The following FSCN1 variants were observed in gnomAD, a reference collection of about 807,000 sequenced individuals.
FSCN1 encodes fascin actin-bundling protein 1, also known as fascin.
A neutral mutation model predicts 39.7 loss-of-function variants in FSCN1; 10 were observed. The observed-to-expected ratio is 0.25, with a 90% CI of 0.16 to 0.43. FSCN1 has a LOEUF of 0.43. Ranked by LOEUF, FSCN1 falls within the 20% of genes least tolerant of loss-of-function variation. The probability of loss-of-function intolerance (pLI) is 1.00; values close to 1 mark genes in which losing one functional copy is unlikely to be tolerated. For synonymous variants in FSCN1, 322 were observed against 320.0 expected, an observed-to-expected ratio of 1.01 and a Z score of -0.07; for missense variants, 525 against 723.8, an observed-to-expected ratio of 0.73 and a Z score of 3.15.
chr7:5,592,898 C>T lies in FSCN1; in HGVS notation c.-39C>T, dbSNP rs761468756. On this transcript the variant is annotated 5_prime_UTR_variant, in exon 1 of 5. Coordinates refer to ENST00000382361, the MANE Select transcript of FSCN1 (RefSeq NM_003088.4). The surrounding 1 kb of genome is among the most constrained non-coding windows in gnomAD (Gnocchi z 5.3). ...GCCGCCGCAGGGACCCGCCACCCAC[C>T]TCCCGGGGCCGCGCAGCGGCCTCTC... 1.1e-5 allele frequency: 15 copies of T among 1,334,064 alleles called. No individual in the cohort carries two copies. Among genetic ancestry groups the T allele is most frequent in the East Asian group, 2.6e-5 (1 of 38,034 alleles). 82.6% of individuals were successfully genotyped at this position (1,334,064 alleles called of 1,614,324 possible).
At chr7:5,594,028 G>A (rs1399797465) in intron 1 of FSCN1, 3 of 498,226 alleles carry the variant, frequency 6.0e-6, no homozygotes, top group African/African-American at 4.3e-5. Flanking sequence ...AGTCGCAACC[G>A]TACGTGCACC....
At position 5,605,653 on chromosome 7, in the gene FSCN1, C is replaced by T. The variant is rs1368504323; in HGVS notation, c.*179C>T. ...GCCCCTATGGACTCCCCACTCTCCCCTCCGCCCGGGTTCCCTACTCCCCTC... is the reference window on the plus strand; with the variant it reads ...GCCCCTATGGACTCCCCACTCTCCCTTCCGCCCGGGTTCCCTACTCCCCTC... On this transcript the variant is annotated 3_prime_UTR_variant, in exon 5 of 5. Coordinates refer to ENST00000382361, the MANE Select transcript of FSCN1 (RefSeq NM_003088.4). This position sits in a 1 kb window ranked among gnomAD's most constrained non-coding sequence, Gnocchi z 6.9. The T allele has an allele frequency of 2.4e-5, 14 of 592,136 alleles. No individual in the cohort carries two copies. The highest frequency in any genetic ancestry group is 1.5e-4 in the Admixed American group (5 of 32,664). The allele number at this position is 592,136 out of a possible 1,614,324, so 36.7% of individuals were successfully genotyped here. A position where few individuals can be genotyped will look rare whatever the true frequency, so the allele number is the denominator to read the frequency against.
chr7:5,599,327 G>A lies in FSCN1; in HGVS notation c.833-3930G>A, dbSNP rs1057259071. ...AGGAACCCATAGACAAGAGGGTGGGGCAGGGAAAGGGCGTGGCAAGAGGGC... is the reference window on the plus strand; with the variant it reads ...AGGAACCCATAGACAAGAGGGTGGGACAGGGAAAGGGCGTGGCAAGAGGGC... On this transcript the variant is annotated intron_variant, in intron 1 of 4. Transcript: ENST00000382361. The surrounding 1 kb of genome is among the most constrained non-coding windows in gnomAD (Gnocchi z 5.6). Among the ~76,000 whole-genome samples, 1 of 152,180 alleles carries A rather than the reference G, an allele frequency of 6.6e-6. No homozygotes were observed. Among genetic ancestry groups the A allele is most frequent in the African/African-American group, 2.4e-5 (1 of 41,448 alleles).
At position 5,605,594 on chromosome 7, in the gene FSCN1, G is replaced by A; in HGVS notation, c.*120G>A. ...GGCAAGCCCCCTTGCCTTTCAAACT[G>A]GAAACCCCAGAGAAAACGGTGCCCC... On this transcript the variant is annotated 3_prime_UTR_variant, in exon 5 of 5. Coordinates refer to ENST00000382361, the MANE Select transcript of FSCN1 (RefSeq NM_003088.4). This position sits in a 1 kb window ranked among gnomAD's most constrained non-coding sequence, Gnocchi z 6.9. The A allele has an allele frequency of 1.4e-6, 1 of 733,972 alleles. No individual in the cohort carries two copies. The highest frequency in any genetic ancestry group is 2.2e-6 in the Non-Finnish European group (1 of 458,028). The allele number at this position is 733,972 out of a possible 1,614,324, so 45.5% of individuals were successfully genotyped here.
chr7:5,599,120 ACCCTGGGACCCAGC>A lies in FSCN1; in HGVS notation c.833-4131_833-4118del, dbSNP rs1343216621. On this transcript the variant is annotated intron_variant, in intron 1 of 4. Coordinates refer to ENST00000382361, the MANE Select transcript of FSCN1 (RefSeq NM_003088.4). The surrounding 1 kb of genome is among the most constrained non-coding windows in gnomAD (Gnocchi z 5.6). ...GGTGTGGCCTTAGGATGGTCCCGGCACCCTGGGACCCAGCCCCTGCTCACCTTATCCTCCTCCCG... is the reference window on the plus strand; with the variant it reads ...GGTGTGGCCTTAGGATGGTCCCGGCACCCTGCTCACCTTATCCTCCTCCCG... 0.024 allele frequency among the ~76,000 whole-genome samples: 7 copies of A among 290 alleles called. No homozygotes were observed. The highest frequency in any genetic ancestry group is 0.07 in the African/African-American group (7 of 100). The allele number at this position is 290 out of a possible 152,430, so 0.2% of individuals were successfully genotyped here.
At chr7:5,601,082 C>T (rs974054806) in intron 1 of FSCN1, among the ~76,000 whole-genome samples, 1 of 151,554 alleles carries the variant, frequency 6.6e-6, no homozygotes. Flanking sequence ...GGCCACTGTG[C>T]CCGGCCAGTC....
chr7:5,595,307 T>C (rs531721251), intron 1 of FSCN1, among the ~76,000 whole-genome samples: 2 of 152,330 alleles, frequency 1.3e-5, no homozygotes, highest in South Asian at 4.1e-4. Flanking sequence ...CTGCTTGTCA[T>C]GGGTCACACA....
At chr7:5,600,628 A>G (rs1014393990) in intron 1 of FSCN1, among the ~76,000 whole-genome samples, 9 of 147,484 alleles carry the variant, frequency 6.1e-5, no homozygotes, top group African/African-American at 2.3e-4. Context: ...AGCAGCTGGG[A>G]TTACAGGCGC....
chr7:5,601,955 A>T (rs201841140), intron 1 of FSCN1, among the ~76,000 whole-genome samples: 187 of 144,842 alleles, frequency 1.3e-3, no homozygotes, highest in African/African-American at 3.0e-3. Flanking sequence ...TTAAAAAAAA[A>T]TTTTTTTTTT....
At chr7:5,597,678 ACAAAACAAAAAAAACAAC>A (rs1294239401) in intron 1 of FSCN1, among the ~76,000 whole-genome samples, 2 of 151,746 alleles carry the variant, frequency 1.3e-5, no homozygotes, top group African/African-American at 4.9e-5. Flanking sequence ...AAAAAACAAA[ACAAAACAAAAAAAACAAC>A]CAAAACAAAC....
chr7:5,603,724 T>TC lies in FSCN1; in HGVS notation c.1111+113dup, dbSNP rs35957041. On this transcript the variant is annotated intron_variant, in intron 3 of 4. Coordinates refer to ENST00000382361, the MANE Select transcript of FSCN1 (RefSeq NM_003088.4). The surrounding 1 kb of genome is among the most constrained non-coding windows in gnomAD (Gnocchi z 8.5). ...GCCAAGGCCTGCTCTGTGCTGGGCATCCCCCCGGACTGGCCCCGCACTGTC... is the reference window on the plus strand; with the variant it reads ...GCCAAGGCCTGCTCTGTGCTGGGCATCCCCCCCGGACTGGCCCCGCACTGTC... 3 of 1,537,556 alleles carry TC rather than the reference T, an allele frequency of 2.0e-6. No homozygotes were observed. Among genetic ancestry groups the TC allele is most frequent in the Non-Finnish European group, 2.7e-6 (3 of 1,122,228 alleles).
At position 5,603,527 on chromosome 7, in the gene FSCN1, C is replaced by T. The variant is rs748357218; in HGVS notation, c.1021C>T (p.Arg341Cys). 5.6e-6 allele frequency: 9 copies of T among 1,614,116 alleles called. No homozygotes were observed. Among genetic ancestry groups the T allele is most frequent in the Admixed American group, 3.3e-5 (2 of 60,016 alleles). ...CAGCTGCTACTTTGACATCGAGTGG[C>T]GTGACCGGCGCATCACACTGAGGGC... ...NASCYFDIEW[R>C]DRRITLRASN... is the part of the protein sequence containing the mutation. The change falls in exon 3 of 5, where the codon CGT becomes TGT. Residue 341 changes from arginine (R) to cysteine (C), a missense_variant. Coordinates refer to ENST00000382361, the MANE Select transcript of FSCN1 (RefSeq NM_003088.4). This position sits in a 1 kb window ranked among gnomAD's most constrained non-coding sequence, Gnocchi z 8.5.
intron 1 of FSCN1, 78 bp downstream of exon 1, chr7:5,593,846 C>G (rs1785678285): frequency 2.0e-6 from 2 of 1,006,364 alleles, no homozygotes; most frequent in African/African-American, 3.4e-5. Flanking sequence ...AGCCTCCCGC[C>G]CTTTCTCGCT....
At chr7:5,597,527 C>T (rs1343951006) in intron 1 of FSCN1, among the ~76,000 whole-genome samples, 7 of 151,752 alleles carry the variant, frequency 4.6e-5, no homozygotes, top group Admixed American at 1.3e-4. Context: ...ATTAGCCGGG[C>T]GTGGTGGCGC....
chr7:5,603,827 C>A lies in FSCN1; in HGVS notation c.1112-36C>A, dbSNP rs749265932. On this transcript the variant is annotated intron_variant, in intron 3 of 4. Coordinates refer to ENST00000382361, the MANE Select transcript of FSCN1 (RefSeq NM_003088.4). This position sits in a 1 kb window ranked among gnomAD's most constrained non-coding sequence, Gnocchi z 8.5. ...ACCCCAGCCTCCACCCCACTCCCTG[C>A]CAGGAGGCTCACTGACTCCCCTCTT... is the stretch of plus-strand genomic sequence containing the variant. The A allele has an allele frequency of 6.3e-6, 10 of 1,598,012 alleles. No individual in the cohort carries two copies. In the South Asian group the frequency reaches 1.1e-4, roughly 18 times the overall value.
intron 1 of FSCN1, among the ~76,000 whole-genome samples, chr7:5,594,228 C>A (rs1785688529): frequency 6.6e-6 from 1 of 151,788 alleles, no homozygotes; most frequent in African/African-American, 2.4e-5. Context: ...TCCACCCCCA[C>A]CGGCAGCCTT....
At chr7:5,600,692 C>T (rs1584302036) in intron 1 of FSCN1, among the ~76,000 whole-genome samples, 1 of 149,340 alleles carries the variant, frequency 6.7e-6, no homozygotes, top group Middle Eastern at 3.6e-3. Context: ...CTCGCATTGT[C>T]GCCCAGGCTG....
rs1342182224 is a variant in FSCN1, at chr7:5,593,614, C to T, written c.678C>T (p.Cys226=). The T allele has an allele frequency of 4.5e-6, 7 of 1,559,944 alleles. No homozygotes were observed. Among genetic ancestry groups the T allele is most frequent in the South Asian group, 1.2e-5 (1 of 86,730 alleles). ...CCGGCAAGGTGGCCTTCCGCGACTGCGAGGGCCGTTACCTGGCGCCGTCGG... is the reference window on the plus strand; with the variant it reads ...CCGGCAAGGTGGCCTTCCGCGACTGTGAGGGCCGTTACCTGGCGCCGTCGG... ...FRSGKVAFRD[C]EGRYLAPSGP... is the part of the protein sequence containing the mutation. The change falls in exon 1 of 5, where the codon TGC becomes TGT. Residue 226 remains cysteine, a synonymous_variant. Coordinates refer to ENST00000382361, the MANE Select transcript of FSCN1 (RefSeq NM_003088.4).
chr7:5,593,353 C>A lies in FSCN1; in HGVS notation c.417C>A (p.His139Gln), dbSNP rs764545572. 6.2e-7 allele frequency: 1 copy of A among 1,612,366 alleles called. No homozygotes were observed. The highest frequency in any genetic ancestry group is 8.5e-7 in the Non-Finnish European group (1 of 1,179,798). ...AGTGGAGCGTGCACATCGCCATGCA[C>A]CCTCAGGTCAACATCTACAGCGTCA... Reference protein sequence around the residue: ...AEKWSVHIAMHPQVNIYSVTR... With the variant: ...AEKWSVHIAMQPQVNIYSVTR... The change falls in exon 1 of 5, where the codon CAC becomes CAA. Residue 139 changes from histidine to glutamine, a missense_variant. This residue lies in a region of FSCN1 where 246 missense variants were observed against 350.6 expected (regional missense o/e 0.70). Transcript: ENST00000382361.
Sources: gnomAD v4.1 joint callset for allele counts (sites outside exome capture counted in the v4.1 genomes callset) on GRCh38, gnomAD v4.1.1 for gene constraint, gnomAD v4.1.1 regional missense constraint, Gnocchi (gnomAD v3.1) non-coding constraint, MANE v1.5 for transcripts, NCBI Gene and HGNC (gene_info 2026-07-23, HGNC 2026-07-21) for gene names.